Variants in CC2D1B observed in about 807,000 individuals in gnomAD.
The protein encoded by CC2D1B is coiled-coil and C2 domain containing 1B, also known as coiled-coil and C2 domain-containing protein 1B.
A neutral mutation model predicts 110.8 loss-of-function variants in CC2D1B; 92 were observed. The ratio of observed to expected loss-of-function variants is 0.83; its 90% CI spans 0.70 to 0.99. The LOEUF (loss-of-function observed/expected upper bound fraction) is 0.99, where lower values mean the gene tolerates loss of function less well. Ranked by LOEUF, CC2D1B falls within the 50% of genes least tolerant of loss-of-function variation. The pLI, the probability that CC2D1B is intolerant of heterozygous loss-of-function variation, is 0.00. For missense variants in CC2D1B, 1,136 were observed against 1,089.0 expected (o/e 1.04, Z -0.61); for synonymous variants, 406 against 429.2 (o/e 0.95, Z 0.67).
intron 19 of CC2D1B, 22 bp from the exon 20 acceptor site, chr1:52,355,688 C>CA: frequency 6.2e-7 from 1 of 1,614,100 alleles, no homozygotes; most frequent in Non-Finnish European, 8.5e-7. Flanking sequence ...AAAAGGGAGT[C>CA]AAGTCAGAGG....
intron 16 of CC2D1B, chr1:52,356,740 AATAC>A (rs1266350667): frequency 1.7e-6 from 1 of 598,818 alleles, no homozygotes; most frequent in African/African-American, 1.9e-5. Flanking sequence ...CAGATAGATA[AATAC>A]ATAAACATAC....
chr1:52,365,853 G>C lies in CC2D1B; in HGVS notation c.-15+216C>G, dbSNP rs993865033. Among the ~76,000 whole-genome samples, 14 of 152,276 alleles carry C rather than the reference G, an allele frequency of 9.2e-5. 1 individual carries two copies. Among genetic ancestry groups the C allele is most frequent in the Admixed American group, 8.5e-4 (13 of 15,310 alleles). On this transcript the variant is annotated intron_variant, in intron 1 of 24. Coordinates refer to ENST00000284376, the MANE Select transcript of CC2D1B (RefSeq NM_001330585.2). Reference sequence around the variant, plus strand: ...AGTGTCAGATTTCGGGAGTGACTCCGGCTCAGGTGAAAGCGAGGCCAGACA... The same window carrying C: ...AGTGTCAGATTTCGGGAGTGACTCCCGCTCAGGTGAAAGCGAGGCCAGACA...
chr1:52,362,953 C>T (rs541255946), intron 2 of CC2D1B, among the ~76,000 whole-genome samples: 1 of 152,342 alleles, frequency 6.6e-6, no homozygotes, highest in South Asian at 2.1e-4. Context: ...TAAGACCACA[C>T]TGAAACTGAG....
At chr1:52,360,804 GC>G in intron 5 of CC2D1B, 169 bp downstream of exon 5, 1 of 954,872 alleles carries the variant, frequency 1.0e-6, no homozygotes, top group South Asian at 1.6e-5. Context: ...GGCCTTTGAG[GC>G]TGGCTGCCAC....
rs187665960 is a variant in CC2D1B at position 52,361,004 on chromosome 1, G to A, written c.447C>T (p.Ala149=). The change falls in exon 5 of 25, where the codon GCC becomes GCT. Residue 149 remains alanine (A), a synonymous_variant. Transcript: ENST00000284376. ...LEDTEPPVQT[A]VLTASAPAAQ... is the part of the protein sequence containing the mutation. ...CTGCTGGGGCTGAAGCTGTCAGGACGGCTGTCTGCACTGGAGGTTCAGTGT... is the reference window on the plus strand; with the variant it reads ...CTGCTGGGGCTGAAGCTGTCAGGACAGCTGTCTGCACTGGAGGTTCAGTGT... 8.9e-5 allele frequency: 144 copies of A among 1,614,156 alleles called. No individual in the cohort carries two copies. The highest frequency in any genetic ancestry group is 2.7e-4 in the Admixed American group (16 of 60,020).
At chr1:52,356,945 C>A in intron 16 of CC2D1B, 56 bp downstream of exon 16, 1 of 1,515,604 alleles carries the variant, frequency 6.6e-7, no homozygotes, top group Non-Finnish European at 8.9e-7. Context: ...TCCAGGTCTT[C>A]CTCCACGGGG....
At chr1:52,358,051 G>A in intron 13 of CC2D1B, 153 bp from the exon 14 acceptor site, 1 of 1,173,520 alleles carries the variant, frequency 8.5e-7, no homozygotes, top group Non-Finnish European at 1.2e-6. Flanking sequence ...AGATCTGAGA[G>A]CTAGAAGCAG....
intron 11 of CC2D1B, 74 bp downstream of exon 11, chr1:52,358,953 G>A: frequency 6.3e-7 from 1 of 1,575,752 alleles, no homozygotes; most frequent in Non-Finnish European, 8.6e-7. Flanking sequence ...GGACTAGCCG[G>A]AGGACCAGGG....
intron 12 of CC2D1B, 32 bp downstream of exon 12, chr1:52,358,654 C>G: frequency 6.2e-7 from 1 of 1,607,324 alleles, no homozygotes; most frequent in Non-Finnish European, 8.5e-7. Context: ...GGACCACCTC[C>G]TCACAGAGCC....
At chr1:52,360,784 A>C (rs774696753) in intron 5 of CC2D1B, 190 bp downstream of exon 5, 272 of 892,242 alleles carry the variant, frequency 3.0e-4, no homozygotes, top group Non-Finnish European at 4.1e-4. Flanking sequence ...GTAGTCTAGG[A>C]GAACAGAGAG....
intron 21 of CC2D1B, 98 bp from the exon 22 acceptor site, chr1:52,355,037 T>C (rs948249997): frequency 1.0e-6 from 1 of 955,080 alleles, no homozygotes; most frequent in South Asian, 1.4e-5. Context: ...CCCCAATCTC[T>C]CCACCTGCAT....
chr1:52,355,032 A>G (rs1157220370), intron 21 of CC2D1B, 93 bp from the exon 22 acceptor site: 12 of 1,000,182 alleles, frequency 1.2e-5, no homozygotes, highest in East Asian at 4.9e-5. Flanking sequence ...CCTTCCCCCA[A>G]TCTCTCCACC....
chr1:52,352,375 AG>A lies in CC2D1B; in HGVS notation c.*849del, dbSNP rs1324801067. ...CTTTCCCTGTCCTCTCTCAAGAGGA[AG>A]CCACAGCAGCCGTTTGTCATGTTAC... On this transcript the variant is annotated 3_prime_UTR_variant, in exon 25 of 25. Coordinates refer to ENST00000284376, the MANE Select transcript of CC2D1B (RefSeq NM_001330585.2). The A allele has an allele frequency of 6.6e-6, 1 of 152,606 alleles. No homozygotes were observed. The highest frequency in any genetic ancestry group is 2.4e-5 in the African/African-American group (1 of 41,440). 9.5% of individuals were successfully genotyped at this position (152,606 alleles called of 1,614,324 possible). A position where few individuals can be genotyped will look rare whatever the true frequency, so the allele number is the denominator to read the frequency against.
Position 52,356,263 on chromosome 1 carries a change from C to T in CC2D1B, c.1977G>A (p.Glu659=). The change falls in exon 18 of 25, where the codon GAG becomes GAA. Residue 659 remains glutamate (E), a synonymous_variant. Coordinates refer to ENST00000284376, the MANE Select transcript of CC2D1B (RefSeq NM_001330585.2). The part of the protein sequence containing the change: ...KLAQDRKKQL[E]ILQLAQAQGL... Reference sequence around the variant, plus strand: ...CCTGAGCCTGGGCCAGCTGCAGGATCTCCAGCTGTTTCTTGCGGTCCTGAG... The same window carrying T: ...CCTGAGCCTGGGCCAGCTGCAGGATTTCCAGCTGTTTCTTGCGGTCCTGAG... 2 of 1,614,222 alleles carry T rather than the reference C, an allele frequency of 1.2e-6. No individual in the cohort carries two copies. Among genetic ancestry groups the T allele is most frequent in the Non-Finnish European group, 1.7e-6 (2 of 1,180,042 alleles).
chr1:52,358,092 G>T, intron 13 of CC2D1B, 194 bp from the exon 14 acceptor site: 3 of 925,794 alleles, frequency 3.2e-6, no homozygotes, highest in Non-Finnish European at 4.7e-6. Context: ...AACCTCCCCA[G>T]CAGGAGAGAG....
At chr1:52,357,459 G>T (rs1646678134) in intron 15 of CC2D1B, 67 bp downstream of exon 15, 51 of 1,484,194 alleles carry the variant, frequency 3.4e-5, no homozygotes, top group Non-Finnish European at 4.3e-5. Flanking sequence ...CTTGTTCACA[G>T]CCTGTCAAGC....
Position 52,354,630 on chromosome 1 carries a change from C to T in CC2D1B, c.2408G>A (p.Cys803Tyr), listed in dbSNP as rs777868711. The T allele has an allele frequency of 4.3e-6, 7 of 1,614,124 alleles. No individual in the cohort carries two copies. The highest frequency in any genetic ancestry group is 1.3e-5 in the African/African-American group (1 of 74,944). ...HLKLERLENE[C>Y]EIREIVEVLD... ...TACCTCCACAATTTCTCTGATCTCA[C>T]ACTCATTCTCCAGCCGCTCCAGTTT... is the stretch of plus-strand genomic sequence containing the variant. Residue 803 changes from cysteine (C) to tyrosine (Y), a missense_variant, in exon 23 of 25, where the codon TGT becomes TAT. Physicochemically the swap from Cys to Tyr is radical, Grantham distance 194. Coordinates refer to ENST00000284376, the MANE Select transcript of CC2D1B (RefSeq NM_001330585.2).
Position 52,355,665 on chromosome 1 carries a change from C to A in CC2D1B, c.2130G>T (p.Gly710=). 1 of 1,614,092 alleles carries A rather than the reference C, an allele frequency of 6.2e-7. No individual in the cohort carries two copies. The part of the protein sequence containing the change: ...VRGMNLPAPP[G]VTPDDLDAFV... ...AAGCATCCAGGTCATCGGGAGTCACCCCTGGGAAGGAGAAAAGGGAGTCAA... is the reference window on the plus strand; with the variant it reads ...AAGCATCCAGGTCATCGGGAGTCACACCTGGGAAGGAGAAAAGGGAGTCAA... The change falls in exon 20 of 25, where the codon GGG becomes GGT. Residue 710 remains glycine, a splice_region_variant and synonymous_variant. Transcript: ENST00000284376.
At chr1:52,363,524 A>G (rs1315881491) in intron 2 of CC2D1B, among the ~76,000 whole-genome samples, 1 of 152,130 alleles carries the variant, frequency 6.6e-6, no homozygotes. Flanking sequence ...ATATCCTGCT[A>G]CCATCGCCAT....
Sources: gnomAD v4.1 joint callset for allele counts (sites outside exome capture counted in the v4.1 genomes callset) on GRCh38, gnomAD v4.1.1 for gene constraint, MANE v1.5 for transcripts, NCBI Gene and HGNC (gene_info 2026-07-23, HGNC 2026-07-21) for gene names.